The following HIP1R variants were observed in gnomAD, a reference collection of about 807,000 sequenced individuals.
HIP1R encodes huntingtin interacting protein 1 related, also known as huntingtin-interacting protein 1-related protein.
Under a neutral mutation model 144.2 loss-of-function variants are expected in HIP1R, and 135 were observed. The ratio of observed to expected loss-of-function variants is 0.94; its 90% confidence interval spans 0.81 to 1.08. The LOEUF (loss-of-function observed/expected upper bound fraction) is 1.08. HIP1R is among the 50% of genes least tolerant of loss of function. The probability of loss-of-function intolerance (pLI) is 0.00; values close to 1 mark genes in which losing one functional copy is unlikely to be tolerated. For synonymous variants in HIP1R, 698 were observed against 612.8 expected (o/e 1.14, Z -2.05); for missense variants, 1,462 against 1,432.8 (o/e 1.02, Z -0.33).
rs748169332 is a variant in HIP1R, at chr12:122,862,095, C to T, written c.*342C>T. On this transcript the variant is annotated 3_prime_UTR_variant, in exon 32 of 32. Coordinates refer to ENST00000253083, the MANE Select transcript of HIP1R (RefSeq NM_003959.3). ...TTCCGAGCTAGAGCTCTTCTTCCTACGTTTGTAGTCAGCACACTGGGAAAC... is the reference window on the plus strand; with the variant it reads ...TTCCGAGCTAGAGCTCTTCTTCCTATGTTTGTAGTCAGCACACTGGGAAAC... The T allele has an allele frequency of 1.5e-4, 39 of 260,322 alleles. No homozygotes were observed. The highest frequency in any genetic ancestry group is 6.1e-4 in the African/African-American group (27 of 44,528). The allele number at this position is 260,322 out of a possible 1,614,324, so 16.1% of individuals were successfully genotyped here. A position where few individuals can be genotyped will look rare whatever the true frequency, so the allele number is the denominator to read the frequency against.
Position 122,859,753 on chromosome 12 carries a change from G to C in HIP1R, c.2407-19G>C, listed in dbSNP as rs773104462. ...GTCCCCTCCTCCCAGCCAGCTCACG[G>C]CTCTGTTCTTGGGTGCAGGACATGA... On this transcript the variant is annotated intron_variant, in intron 23 of 31. Transcript: ENST00000253083. 3 of 1,611,224 alleles carry C rather than the reference G, an allele frequency of 1.9e-6. No homozygotes were observed. In the South Asian group the frequency reaches 3.3e-5, roughly 18 times the overall value.
At chr12:122,847,279 C>T (rs1019124043) in intron 1 of HIP1R, among the ~76,000 whole-genome samples, 4 of 145,184 alleles carry the variant, frequency 2.8e-5, no homozygotes, top group Non-Finnish European at 3.0e-5. Flanking sequence ...GAAGCCTACT[C>T]GGAAAAGGAG....
At position 122,859,971 on chromosome 12, in the gene HIP1R, A is replaced by ATG; in HGVS notation, c.2466-73_2466-72dup. On this transcript the variant is annotated intron_variant, in intron 24 of 31. Coordinates refer to ENST00000253083, the MANE Select transcript of HIP1R (RefSeq NM_003959.3). The stretch of plus-strand genomic sequence containing the variant: ...CTCCCTCCCCACCTGCTGAGCCCTG[A>ATG]TGTGGCCAGGCCCGCCATGGCGTCG... The ATG allele has an allele frequency of 2.0e-6, 3 of 1,493,266 alleles. No homozygotes were observed. The South Asian group carries it at 3.9e-5, about 20-fold the overall frequency. The allele number at this position is 1,493,266 out of a possible 1,614,324, so 92.5% of individuals were successfully genotyped here. A position where few individuals can be genotyped will look rare whatever the true frequency, so the allele number is the denominator to read the frequency against.
Position 122,857,426 on chromosome 12 carries a change from AGTCGTACTCT to A in HIP1R, c.1815+213_1815+222del, listed in dbSNP as rs529463841. On this transcript the variant is annotated intron_variant, in intron 18 of 31. Transcript: ENST00000253083. ...CATTACCTCATTCCTTTTATGGCTG[AGTCGTACTCT>A]GCCGTGTGGACAGACCACATTGTGT... 1.6e-3 allele frequency: 997 copies of A among 619,462 alleles called. 10 individuals are homozygous for A. The African/African-American group carries it at 0.016, about 10-fold the overall frequency. 38.4% of individuals were successfully genotyped at this position (619,462 alleles called of 1,614,324 possible). A position where few individuals can be genotyped will look rare whatever the true frequency, so the allele number is the denominator to read the frequency against.
chr12:122,861,655 GCC>G (rs1208576683), intron 31 of HIP1R, 49 bp from the exon 32 acceptor site: 1 of 1,608,350 alleles, frequency 6.2e-7, no homozygotes, highest in Non-Finnish European at 8.5e-7. Context: ...GAGAGGTGGG[GCC>G]CCAGGTGCCT....
rs2033709832 is a variant in HIP1R, at chr12:122,859,798, C to T, written c.2433C>T (p.Ala811=). 1.9e-6 allele frequency: 3 copies of T among 1,612,852 alleles called. No individual in the cohort carries two copies. Among genetic ancestry groups the T allele is most frequent in the African/African-American group, 1.3e-5 (1 of 74,932 alleles). Residue 811 remains alanine, a synonymous_variant, in exon 24 of 32, where the codon GCC becomes GCT. Coordinates refer to ENST00000253083, the MANE Select transcript of HIP1R (RefSeq NM_003959.3). ...IEDMMNQARH[A]SSGVKLEVNE... Reference sequence around the variant, plus strand: ...ACATGATGAACCAGGCACGCCACGCCAGCTCGGGGGTGAAGCTGGAGGTGA... The same window carrying T: ...ACATGATGAACCAGGCACGCCACGCTAGCTCGGGGGTGAAGCTGGAGGTGA...
chr12:122,859,903 C>A, intron 24 of HIP1R, 73 bp downstream of exon 24: 1 of 1,506,994 alleles, frequency 6.6e-7, no homozygotes, highest in Non-Finnish European at 9.1e-7. Context: ...CTGCCCCCAA[C>A]TGTTCTGCTC....
intron 1 of HIP1R, among the ~76,000 whole-genome samples, chr12:122,839,916 C>T (rs950740789): frequency 3.3e-5 from 5 of 152,186 alleles, no homozygotes; most frequent in Admixed American, 1.3e-4. Flanking sequence ...GCTACCGTGC[C>T]GGACAATGCA....
rs376565593 is a variant in HIP1R, at chr12:122,858,093, C to T, written c.1816-9C>T. 108 of 1,568,680 alleles carry T rather than the reference C, an allele frequency of 6.9e-5. No homozygotes were observed. The highest frequency in any genetic ancestry group is 9.0e-5 in the Non-Finnish European group (104 of 1,159,052). On this transcript the variant is annotated splice_polypyrimidine_tract_variant and intron_variant, in intron 18 of 31. Coordinates refer to ENST00000253083, the MANE Select transcript of HIP1R (RefSeq NM_003959.3). ...ATCTCTAACCTGTCCTCTTCACCCCCATTGCCAGGAGTCTCAGGAGCAGGG... is the reference window on the plus strand; with the variant it reads ...ATCTCTAACCTGTCCTCTTCACCCCTATTGCCAGGAGTCTCAGGAGCAGGG...
intron 8 of HIP1R, 61 bp downstream of exon 8, chr12:122,854,244 C>G (rs1346517120): frequency 7.5e-6 from 11 of 1,462,358 alleles, no homozygotes; most frequent in Non-Finnish European, 1.0e-5. Flanking sequence ...TAGACATTCA[C>G]TGTCAAAAAG....
intron 1 of HIP1R, among the ~76,000 whole-genome samples, chr12:122,847,309 G>A (rs1347894252): frequency 1.3e-5 from 2 of 152,196 alleles, no homozygotes; most frequent in Non-Finnish European, 2.9e-5. Context: ...GGGGCGGGGG[G>A]GGAGGGGTGA....
Position 122,856,640 on chromosome 12 carries a change from G to A in HIP1R, c.1534G>A (p.Asp512Asn), listed in dbSNP as rs77688072. The A allele has an allele frequency of 9.8e-4, 1,567 of 1,604,882 alleles. 14 individuals carry two copies. In the African/African-American group the frequency reaches 0.018, roughly 19 times the overall value. Residue 512 changes from aspartate to asparagine, a missense_variant, in exon 17 of 32, where the codon GAC becomes AAC. By Grantham distance (23) the Asp-to-Asn change is conservative. Around this residue, in one of 2 missense-constraint regions of HIP1R, gnomAD observed 1,112 missense variants for 1,011.7 expected, o/e 1.10. Transcript: ENST00000253083. ...CCTGTCCCAGCTAGAGGAGAAGAGC[G>A]ACCAGCTGGAGAAGCTCAAGAGGGA... ...ESELKLEEKS[D>N]QLEKLKRELE... is the part of the protein sequence containing the mutation.
chr12:122,844,500 G>A (rs1183440583), intron 1 of HIP1R, among the ~76,000 whole-genome samples: 1 of 152,158 alleles, frequency 6.6e-6, no homozygotes, highest in Non-Finnish European at 1.5e-5. Context: ...TCCCTGTTGT[G>A]CCCAGCAGTG....
chr12:122,849,296 G>C (rs2033304446), intron 4 of HIP1R, among the ~76,000 whole-genome samples: 1 of 152,272 alleles, frequency 6.6e-6, no homozygotes, highest in South Asian at 2.1e-4. Flanking sequence ...AGGAGTTAGA[G>C]ATGTCCCTGG....
At chr12:122,856,971 T>C in intron 17 of HIP1R, 50 bp from the exon 18 acceptor site, 1 of 1,053,386 alleles carries the variant, frequency 9.5e-7, no homozygotes, top group Non-Finnish European at 1.2e-6. Flanking sequence ...GCAGGGTGGG[T>C]GGGGCCTGGG....
chr12:122,856,220 C>A, intron 14 of HIP1R, 36 bp from the exon 15 acceptor site: 3 of 1,612,990 alleles, frequency 1.9e-6, no homozygotes, highest in Non-Finnish European at 1.7e-6. Flanking sequence ...CCTGCCACCC[C>A]ACACGGGGCA....
chr12:122,851,045 G>T, intron 6 of HIP1R, 134 bp downstream of exon 6: 3 of 894,436 alleles, frequency 3.4e-6, no homozygotes, highest in Non-Finnish European at 3.5e-6. Flanking sequence ...TGATGCTCAC[G>T]CTCCCAGGGA....
intron 12 of HIP1R, 57 bp downstream of exon 12, chr12:122,855,669 C>T (rs1022070599): frequency 3.9e-6 from 6 of 1,537,812 alleles, no homozygotes. Context: ...CTCAGCTGAG[C>T]TGTGCTCTGG....
chr12:122,835,928 G>A (rs1235490199), intron 1 of HIP1R, among the ~76,000 whole-genome samples: 4 of 151,322 alleles, frequency 2.6e-5, no homozygotes, highest in African/African-American at 9.7e-5. Flanking sequence ...AGGGGGCCGG[G>A]GTCAGGGTGT....
Sources: gnomAD v4.1 joint callset for allele counts (sites outside exome capture counted in the v4.1 genomes callset) on GRCh38, gnomAD v4.1.1 for gene constraint, gnomAD v4.1.1 regional missense constraint, MANE v1.5 for transcripts, NCBI Gene and HGNC (gene_info 2026-07-23, HGNC 2026-07-21) for gene names.